Variants in IPO11 observed in about 807,000 individuals in gnomAD.
IPO11 encodes importin 11.
In IPO11, 66 loss-of-function variants were observed where a neutral mutation model predicts 143.2. The observed-to-expected ratio is 0.46, with a 90% CI of 0.38 to 0.57. IPO11 has a LOEUF of 0.57. IPO11 is among the 20% of genes least tolerant of loss of function. The pLI is 0.00. For missense variants in IPO11, 1,026 were observed against 1,141.0 expected, an observed-to-expected ratio of 0.90 and a Z score of 1.45; for synonymous variants, 385 against 377.8, an observed-to-expected ratio of 1.02 and a Z score of -0.22.
At chr5:62,453,023 G>A (rs1463597941) in intron 5 of IPO11, among the ~76,000 whole-genome samples, 2 of 150,656 alleles carry the variant, frequency 1.3e-5, no homozygotes, top group African/African-American at 5.0e-5. Context: ...AGAAATTAAA[G>A]GTATATAATT....
intron 16 of IPO11, among the ~76,000 whole-genome samples, chr5:62,499,533 T>C (rs1741273135): frequency 6.6e-6 from 1 of 152,006 alleles, no homozygotes; most frequent in South Asian, 2.1e-4. Flanking sequence ...GGAAATATTC[T>C]TTCTTCAACA....
At chr5:62,467,936 TTTTG>T (rs1745626730) in intron 6 of IPO11, among the ~76,000 whole-genome samples, 2 of 152,240 alleles carry the variant, frequency 1.3e-5, no homozygotes, top group East Asian at 1.9e-4. Flanking sequence ...TTTTAGTTCT[TTTTG>T]TTTGTTTGTT....
chr5:62,436,212 T>TC (rs200463941), intron 1 of IPO11, among the ~76,000 whole-genome samples: 1 of 152,240 alleles, frequency 6.6e-6, no homozygotes. Flanking sequence ...GTCAGATTTC[T>TC]TGTTGAATCA....
intron 24 of IPO11, among the ~76,000 whole-genome samples, chr5:62,547,340 C>T (rs1743238527): frequency 6.6e-6 from 1 of 152,120 alleles, no homozygotes; most frequent in Non-Finnish European, 1.5e-5. Flanking sequence ...GGATTTCCCA[C>T]AGGCACCTCA....
At chr5:62,465,166 T>C (rs902204154) in intron 5 of IPO11, among the ~76,000 whole-genome samples, 2 of 152,242 alleles carry the variant, frequency 1.3e-5, no homozygotes, top group Admixed American at 6.5e-5. Context: ...TGTAGAATTC[T>C]TACCTCTTCT....
chr5:62,577,698 G>T (rs1032970663), intron 27 of IPO11, among the ~76,000 whole-genome samples: 1 of 152,008 alleles, frequency 6.6e-6, no homozygotes, highest in Non-Finnish European at 1.5e-5. Context: ...ATAACGATCT[G>T]CTATCCAGTA....
At chr5:62,622,252 C>A (rs1216072511) in intron 29 of IPO11, among the ~76,000 whole-genome samples, 1 of 152,034 alleles carries the variant, frequency 6.6e-6, no homozygotes, top group African/African-American at 2.4e-5. Context: ...TATTCTGGTA[C>A]CTGAAACTAC....
At chr5:62,431,470 G>A (rs1432746905) in intron 1 of IPO11, among the ~76,000 whole-genome samples, 1 of 151,998 alleles carries the variant, frequency 6.6e-6, no homozygotes, top group Non-Finnish European at 1.5e-5. Context: ...GCTCACTGTA[G>A]CCTCTACCTC....
chr5:62,470,424 C>A, intron 7 of IPO11, 116 bp downstream of exon 7: 3 of 898,416 alleles, frequency 3.3e-6, no homozygotes, highest in Non-Finnish European at 3.6e-6. Context: ...AAGTGACCAT[C>A]TAGTTTTTTA....
At chr5:62,544,175 C>T (rs1420177551) in intron 24 of IPO11, among the ~76,000 whole-genome samples, 1 of 151,846 alleles carries the variant, frequency 6.6e-6, no homozygotes, top group Non-Finnish European at 1.5e-5. Flanking sequence ...GACCAATATC[C>T]CTGATGAACA....
chr5:62,522,591 G>A (rs1217044088), intron 20 of IPO11, among the ~76,000 whole-genome samples: 1 of 152,144 alleles, frequency 6.6e-6, no homozygotes, highest in Non-Finnish European at 1.5e-5. Flanking sequence ...GGCCATAATT[G>A]TGTGTTTTTC....
intron 5 of IPO11, among the ~76,000 whole-genome samples, chr5:62,461,642 G>A (rs1561320445): frequency 6.6e-6 from 1 of 152,056 alleles, no homozygotes; most frequent in Admixed American, 6.5e-5. Flanking sequence ...TGACTATTAG[G>A]TTTTTGTTTT....
At chr5:62,461,728 T>C (rs2112181508) in intron 5 of IPO11, among the ~76,000 whole-genome samples, 1 of 152,352 alleles carries the variant, frequency 6.6e-6, no homozygotes, top group Non-Finnish European at 1.5e-5. Context: ...ATACCTGCTG[T>C]GTGCCAGGCA....
chr5:62,473,019 G>C (rs922490331), intron 7 of IPO11, among the ~76,000 whole-genome samples: 1 of 152,100 alleles, frequency 6.6e-6, no homozygotes, highest in Non-Finnish European at 1.5e-5. Context: ...AGACTTATGG[G>C]ATCTTGGTGA....
At chr5:62,492,381 T>C (rs1423394460) in intron 15 of IPO11, among the ~76,000 whole-genome samples, 2 of 152,174 alleles carry the variant, frequency 1.3e-5, no homozygotes, top group Non-Finnish European at 2.9e-5. Flanking sequence ...GCTCCAATAT[T>C]GTTTATCTCA....
intron 27 of IPO11, among the ~76,000 whole-genome samples, chr5:62,564,080 A>G (rs1397469667): frequency 6.6e-6 from 1 of 152,200 alleles, no homozygotes; most frequent in Non-Finnish European, 1.5e-5. Flanking sequence ...AAAGTCTTGA[A>G]TAATGTGGTA....
At chr5:62,518,333 A>G (rs1742093713) in intron 20 of IPO11, among the ~76,000 whole-genome samples, 1 of 151,946 alleles carries the variant, frequency 6.6e-6, no homozygotes, top group African/African-American at 2.4e-5. Flanking sequence ...AGTACCAGCT[A>G]CTCAGGAGGC....
At chr5:62,479,390 A>C (rs1232959088) in intron 9 of IPO11, among the ~76,000 whole-genome samples, 3 of 152,216 alleles carry the variant, frequency 2.0e-5, no homozygotes, top group Non-Finnish European at 2.9e-5. Context: ...TAGCGCCACA[A>C]TAAACATACG....
chr5:62,619,438 A>T (rs1205703606), intron 29 of IPO11, among the ~76,000 whole-genome samples: 1 of 152,246 alleles, frequency 6.6e-6, no homozygotes, highest in Non-Finnish European at 1.5e-5. Context: ...AGATGCAAAA[A>T]ATGTAAATTA....
Sources: allele counts gnomAD v4.1 joint callset (sites outside exome capture counted in the v4.1 genomes callset), GRCh38; gene constraint gnomAD v4.1.1; transcripts MANE v1.5; gene names NCBI Gene and HGNC (gene_info 2026-07-23, HGNC 2026-07-21).